Variants in WDFY3 observed in about 807,000 individuals in gnomAD.
The protein encoded by WDFY3 is WD repeat and FYVE domain-containing protein 3.
Under a neutral mutation model 409.6 loss-of-function variants are expected in WDFY3, and 66 were observed. The ratio of observed to expected loss-of-function variants is 0.16; its 90% CI spans 0.13 to 0.20. The LOEUF is 0.20. Among genes scored for constraint, WDFY3 ranks in the 10% least tolerant of loss-of-function variants. The pLI is 1.00. For missense variants in WDFY3, 3,031 were observed against 4,298.1 expected (o/e 0.71, Z 8.24); for synonymous variants, 1,521 against 1,537.1 (o/e 0.99, Z 0.25).
intron 1 of WDFY3, among the ~76,000 whole-genome samples, chr4:84,940,161 AAAAAGTCCC>A (rs1771928733): frequency 6.6e-6 from 1 of 152,080 alleles, no homozygotes; most frequent in African/African-American, 2.4e-5. Flanking sequence ...CAATACACCT[AAAAAGTCCC>A]AGAAGTGCTA....
Position 84,829,176 on chromosome 4 carries a change from ATAAACACTCTTTC to A in WDFY3, c.771_783del (p.Glu257AspfsTer17). The A allele has an allele frequency of 6.3e-7, 1 of 1,581,246 alleles. No homozygotes were observed. Among genetic ancestry groups the A allele is most frequent in the Non-Finnish European group, 8.6e-7 (1 of 1,161,972 alleles). The stretch of plus-strand genomic sequence containing the variant: ...TGCTGCATATTCTGAACACATGTAG[ATAAACACTCTTTC>A]TCTGTAAGAATAGATAATTAAATAA... On this transcript the variant is annotated frameshift_variant and splice_region_variant, in exon 9 of 68. Coordinates refer to ENST00000295888, the MANE Select transcript of WDFY3 (RefSeq NM_014991.6). LOFTEE classifies it high-confidence loss of function.
chr4:84,909,414 G>A (rs1330374965), intron 2 of WDFY3, among the ~76,000 whole-genome samples: 1 of 151,540 alleles, frequency 6.6e-6, no homozygotes, highest in Non-Finnish European at 1.5e-5. Flanking sequence ...AAAAGAAAGG[G>A]CACAAATGTA....
intron 3 of WDFY3, among the ~76,000 whole-genome samples, chr4:84,881,691 AGCCCGGGAAACATAACAAGACCCC>A (rs1286548980): frequency 4.8e-4 from 73 of 152,014 alleles, no homozygotes; most frequent in Admixed American, 4.8e-3. Context: ...GTTCGAGACC[AGCCCGGGAAACATAACAAGACCCC>A]GCCTCTACTC....
intron 3 of WDFY3, chr4:84,886,496 A>G (rs1000480429): frequency 1.3e-5 from 2 of 151,940 alleles, no homozygotes; most frequent in African/African-American, 2.4e-5. Flanking sequence ...AATCAGATAC[A>G]TGTATTTTTT....
At chr4:84,961,105 C>T (rs1774859953) in intron 1 of WDFY3, among the ~76,000 whole-genome samples, 1 of 151,682 alleles carries the variant, frequency 6.6e-6, no homozygotes, top group Non-Finnish European at 1.5e-5. Flanking sequence ...ATTCCAGCTA[C>T]TCGGGTGGCT....
intron 3 of WDFY3, among the ~76,000 whole-genome samples, chr4:84,885,836 T>C (rs1764150955): frequency 6.6e-6 from 1 of 152,200 alleles, no homozygotes; most frequent in Non-Finnish European, 1.5e-5. Flanking sequence ...AAGGGCAATT[T>C]TGCATCGTTT....
intron 4 of WDFY3, among the ~76,000 whole-genome samples, chr4:84,859,328 A>G (rs1760216461): frequency 6.6e-6 from 1 of 152,108 alleles, no homozygotes; most frequent in South Asian, 2.1e-4. Context: ...TGTATGAATG[A>G]GTGTATGTAT....
intron 7 of WDFY3, among the ~76,000 whole-genome samples, chr4:84,836,636 T>C (rs190760007): frequency 3.4e-4 from 52 of 152,216 alleles, no homozygotes; most frequent in African/African-American, 1.2e-3. Context: ...ATTTTCAAGT[T>C]TTCCTTGCTT....
intron 5 of WDFY3, among the ~76,000 whole-genome samples, chr4:84,847,771 C>T (rs62303116): frequency 1.2e-3 from 160 of 129,290 alleles, no homozygotes; most frequent in African/African-American, 4.3e-3. Flanking sequence ...AAGACTCCGT[C>T]CCAAAAAAAA....
chr4:84,782,761 G>A (rs1746784915), intron 25 of WDFY3, among the ~76,000 whole-genome samples: 1 of 152,164 alleles, frequency 6.6e-6, no homozygotes, highest in African/African-American at 2.4e-5. Flanking sequence ...ATATGTAAAA[G>A]TTAGTGGGAT....
chr4:84,827,074 T>C, intron 9 of WDFY3, 93 bp from the exon 10 acceptor site: 1 of 1,343,982 alleles, frequency 7.4e-7, no homozygotes, highest in Non-Finnish European at 1.0e-6. Context: ...ATGCAGTAAA[T>C]AAATGTATAA....
chr4:84,903,418 C>A (rs906095886), intron 2 of WDFY3, among the ~76,000 whole-genome samples: 3 of 152,190 alleles, frequency 2.0e-5, no homozygotes, highest in African/African-American at 7.2e-5. Flanking sequence ...CTCCCAGGTT[C>A]AAGCAGTCCT....
chr4:84,814,905 G>A (rs992807990), intron 13 of WDFY3, among the ~76,000 whole-genome samples: 1 of 151,968 alleles, frequency 6.6e-6, no homozygotes, highest in Admixed American at 6.6e-5. Context: ...GTATTCCCCC[G>A]AAGATATGGG....
At chr4:84,852,676 T>C (rs1759190402) in intron 4 of WDFY3, among the ~76,000 whole-genome samples, 1 of 152,232 alleles carries the variant, frequency 6.6e-6, no homozygotes, top group Non-Finnish European at 1.5e-5. Context: ...ACACATTTTT[T>C]TCCTGAGATT....
chr4:84,775,456 A>G (rs2149449168), intron 27 of WDFY3, among the ~76,000 whole-genome samples: 1 of 152,198 alleles, frequency 6.6e-6, no homozygotes, highest in East Asian at 1.9e-4. Flanking sequence ...TCTAGACATG[A>G]CAAATAAAAT....
At chr4:84,936,259 G>A (rs533401285) in intron 1 of WDFY3, among the ~76,000 whole-genome samples, 4 of 152,176 alleles carry the variant, frequency 2.6e-5, no homozygotes, top group African/African-American at 9.6e-5. Context: ...GGTGGCTCAC[G>A]CCTGTAATCT....
At chr4:84,673,039 A>T (rs1725672508) in intron 67 of WDFY3, 48 bp from the exon 68 acceptor site, 1 of 1,608,984 alleles carries the variant, frequency 6.2e-7, no homozygotes, top group Admixed American at 1.7e-5. Context: ...TCCATGCTTG[A>T]TCATGGGCAC....
chr4:84,945,988 T>C (rs1772773549), intron 1 of WDFY3, among the ~76,000 whole-genome samples: 1 of 152,174 alleles, frequency 6.6e-6, no homozygotes, highest in Non-Finnish European at 1.5e-5. Flanking sequence ...GAAGACAGGT[T>C]GCTACTGCAC....
intron 2 of WDFY3, among the ~76,000 whole-genome samples, chr4:84,911,551 T>C (rs1438076708): frequency 6.6e-6 from 1 of 152,148 alleles, no homozygotes; most frequent in Non-Finnish European, 1.5e-5. Context: ...AGAAGATATA[T>C]ACACTTGACC....
Sources: allele counts gnomAD v4.1 joint callset (sites outside exome capture counted in the v4.1 genomes callset), GRCh38; gene constraint gnomAD v4.1.1; transcripts MANE v1.5; gene names NCBI Gene and HGNC (gene_info 2026-07-23, HGNC 2026-07-21).